Variants in ITGB1BP1 observed in about 807,000 individuals in gnomAD.
ITGB1BP1 encodes the protein integrin subunit beta 1 binding protein 1.
Under a neutral mutation model 28.0 loss-of-function variants are expected in ITGB1BP1, and 20 were observed. The observed-to-expected ratio is 0.71, with a 90% CI of 0.50 to 1.04. The LOEUF (loss-of-function observed/expected upper bound fraction) is 1.04, where lower values mean the gene tolerates loss of function less well. ITGB1BP1 is among the 50% of genes least tolerant of loss of function. ITGB1BP1 has a pLI of 0.00. For synonymous variants in ITGB1BP1, 103 were observed against 89.5 expected (o/e 1.15, Z -0.85); for missense variants, 228 against 242.5 (o/e 0.94, Z 0.40).
intron 4 of ITGB1BP1, 70 bp from the exon 5 acceptor site, chr2:9,408,275 T>G (rs1677818386): frequency 2.1e-6 from 2 of 946,044 alleles, no homozygotes; most frequent in African/African-American, 3.2e-5. Flanking sequence ...GACTAGTCAC[T>G]TTGAGTATCT....
At chr2:9,411,246 C>G (rs1161277311) in intron 4 of ITGB1BP1, among the ~76,000 whole-genome samples, 1 of 151,904 alleles carries the variant, frequency 6.6e-6, no homozygotes, top group Admixed American at 6.6e-5. Context: ...TGTTGGAAAC[C>G]TTGCATGAAT....
intron 4 of ITGB1BP1, among the ~76,000 whole-genome samples, chr2:9,411,746 T>G: frequency 7.1e-6 from 1 of 139,960 alleles, no homozygotes; most frequent in Non-Finnish European, 1.5e-5. Context: ...AAAACAAGTA[T>G]TAAAAAGTAC....
intron 1 of ITGB1BP1, chr2:9,422,841 T>C: frequency 1.0e-6 from 1 of 986,042 alleles, no homozygotes; most frequent in Non-Finnish European, 1.2e-6. Context: ...CAAACGAGGA[T>C]GCCAAAGCGC....
At chr2:9,410,140 C>CA (rs2148877408) in intron 4 of ITGB1BP1, among the ~76,000 whole-genome samples, 1 of 152,322 alleles carries the variant, frequency 6.6e-6, no homozygotes, top group South Asian at 2.1e-4. Flanking sequence ...CCACCGCGCC[C>CA]AGCCCGAGTT....
chr2:9,406,858 A>ATT lies in ITGB1BP1; in HGVS notation c.578_579insAA (p.Val194MetfsTer3). 1 of 1,613,164 alleles carries ATT rather than the reference A, an allele frequency of 6.2e-7. No homozygotes were observed. The highest frequency in any genetic ancestry group is 8.5e-7 in the Non-Finnish European group (1 of 1,179,088). On this transcript the variant is annotated frameshift_variant, in exon 7 of 7. Coordinates refer to ENST00000355346, the MANE Select transcript of ITGB1BP1 (RefSeq NM_004763.5). LOFTEE classifies it high-confidence loss of function. ...TTCAGGGTTTCTCAGATGTTAATACAGAGTCAAAAGCGGTGGATAAAACCT... is the reference window on the plus strand; with the variant it reads ...TTCAGGGTTTCTCAGATGTTAATACATTGAGTCAAAAGCGGTGGATAAAACCT...
chr2:9,420,234 A>G (rs1679640279), intron 1 of ITGB1BP1: 1 of 155,698 alleles, frequency 6.4e-6, no homozygotes, highest in Admixed American at 6.5e-5. Context: ...CACTTGCCCA[A>G]GTCTGACCAC....
rs1001818087 is a variant in ITGB1BP1 at position 9,407,188 on chromosome 2, T to C, written c.531+261A>G. The C allele has an allele frequency of 4.6e-5, 28 of 602,492 alleles. No homozygotes were observed. In the African/African-American group the frequency reaches 5.0e-4, roughly 11 times the overall value. The allele number at this position is 602,492 out of a possible 1,614,324, so 37.3% of individuals were successfully genotyped here. On this transcript the variant is annotated intron_variant, in intron 6 of 6. Coordinates refer to ENST00000355346, the MANE Select transcript of ITGB1BP1 (RefSeq NM_004763.5). The stretch of plus-strand genomic sequence containing the variant: ...GGAAATGGAAGAAGCCTTCGGCCCC[T>C]GGAGGATACATTTTTCCTCAGCTGC...
At chr2:9,411,898 C>T (rs1042286592) in intron 4 of ITGB1BP1, among the ~76,000 whole-genome samples, 2 of 150,194 alleles carry the variant, frequency 1.3e-5, no homozygotes, top group Admixed American at 6.6e-5. Context: ...CAAAATTAGC[C>T]GGGCATGGTG....
At chr2:9,413,783 C>A (rs1294369558) in intron 3 of ITGB1BP1, among the ~76,000 whole-genome samples, 1 of 152,202 alleles carries the variant, frequency 6.6e-6, no homozygotes, top group Non-Finnish European at 1.5e-5. Flanking sequence ...GCCCTTTAAT[C>A]ACCAAGATAT....
intron 4 of ITGB1BP1, among the ~76,000 whole-genome samples, chr2:9,411,578 T>C (rs7564165): frequency 0.64 from 97,762 of 151,716 alleles, 34,568 homozygotes; most frequent in African/African-American, 0.92. Context: ...AAAAATTATC[T>C]GGGCCGTGGC....
At chr2:9,412,635 GAATA>G in intron 3 of ITGB1BP1, 1 of 374,398 alleles carries the variant, frequency 2.7e-6, no homozygotes, top group Non-Finnish European at 4.7e-6. Flanking sequence ...TCAATAATAG[GAATA>G]AATATATTAA....
chr2:9,419,958 A>G, intron 1 of ITGB1BP1: 3 of 608,590 alleles, frequency 4.9e-6, no homozygotes, highest in Non-Finnish European at 6.2e-6. Flanking sequence ...CAAAAACTGT[A>G]TTCTCCAGAG....
Position 9,407,499 on chromosome 2 carries a change from C to T in ITGB1BP1, c.481G>A (p.Asp161Asn). The change falls in exon 6 of 7, where the codon GAT becomes AAT. Residue 161 changes from aspartate (D) to asparagine (N), a missense_variant. Transcript: ENST00000355346. ...GKSLLALKTTDASNEEYSLWV... is the reference protein window; with the variant it reads ...GKSLLALKTTNASNEEYSLWV... The stretch of plus-strand genomic sequence containing the variant: ...AGGCTGTATTCCTCATTGCTTGCAT[C>T]TGTGGTCTTCAGAGCCAGTAAGCTT... 6 of 1,614,184 alleles carry T rather than the reference C, an allele frequency of 3.7e-6. No homozygotes were observed. Among genetic ancestry groups the T allele is most frequent in the Non-Finnish European group, 4.2e-6 (5 of 1,180,030 alleles).
At chr2:9,419,023 G>A (rs1472545185) in intron 1 of ITGB1BP1, among the ~76,000 whole-genome samples, 1 of 152,080 alleles carries the variant, frequency 6.6e-6, no homozygotes, top group African/African-American at 2.4e-5. Context: ...CAAAGTGCTG[G>A]GATTACAGCT....
At chr2:9,407,334 C>T in intron 6 of ITGB1BP1, 115 bp downstream of exon 6, 2 of 1,208,322 alleles carry the variant, frequency 1.7e-6, no homozygotes, top group Non-Finnish European at 2.3e-6. Context: ...TTCACTATCC[C>T]CAGGCCAAGA....
chr2:9,423,566 A>T, upstream of ITGB1BP1: 2 of 1,123,034 alleles, frequency 1.8e-6, no homozygotes, highest in Non-Finnish European at 2.4e-6. Context: ...CCCGGTTCCA[A>T]GACCCCAAGT....
intron 1 of ITGB1BP1, among the ~76,000 whole-genome samples, chr2:9,420,485 C>T (rs535893984): frequency 3.3e-5 from 5 of 152,302 alleles, no homozygotes; most frequent in African/African-American, 1.2e-4. Flanking sequence ...TAGGAAACCA[C>T]TGCTATGAGG....
At chr2:9,422,270 C>A (rs1679977767) in intron 1 of ITGB1BP1, among the ~76,000 whole-genome samples, 1 of 152,194 alleles carries the variant, frequency 6.6e-6, no homozygotes, top group African/African-American at 2.4e-5. Flanking sequence ...AGTCAGAGAC[C>A]AAAGTCAACG....
rs138861895 is a variant in ITGB1BP1, at chr2:9,413,051, CA to C, written c.152-647del. On this transcript the variant is annotated intron_variant, in intron 3 of 6. Coordinates refer to ENST00000355346, the MANE Select transcript of ITGB1BP1 (RefSeq NM_004763.5). Reference sequence around the variant, plus strand: ...TGTGTGCCGCAACATCCAGCCAACACAAAAACTCCTACAAACGACTTATAAC... The same window carrying C: ...TGTGTGCCGCAACATCCAGCCAACACAAAACTCCTACAAACGACTTATAAC... 6.0e-3 allele frequency among the ~76,000 whole-genome samples: 913 copies of C among 152,326 alleles called. 10 individuals are homozygous for C. The highest frequency in any genetic ancestry group is 0.02 in the African/African-American group (852 of 41,572).
Sources: allele counts gnomAD v4.1 joint callset (sites outside exome capture counted in the v4.1 genomes callset), GRCh38; gene constraint gnomAD v4.1.1; transcripts MANE v1.5; gene names NCBI Gene and HGNC (gene_info 2026-07-23, HGNC 2026-07-21).